Variants in AGMO observed in about 807,000 individuals in gnomAD.
AGMO encodes alkylglycerol monooxygenase, also known as glyceryl-ether monooxygenase.
In AGMO, 75 loss-of-function variants were observed where a neutral mutation model predicts 60.2. The observed-to-expected ratio is 1.25, with a 90% CI of 1.03 to 1.51. The LOEUF is 1.51. AGMO is among the 40% of genes most tolerant of loss of function. The probability of loss-of-function intolerance (pLI) is 0.00; values close to 1 mark genes in which losing one functional copy is unlikely to be tolerated. For missense variants in AGMO, 763 were observed against 525.5 expected, an observed-to-expected ratio of 1.45 and a Z score of -4.42; for synonymous variants, 261 against 177.1, an observed-to-expected ratio of 1.47 and a Z score of -3.76.
chr7:15,383,530 A>G (rs541909700), intron 10 of AGMO, among the ~76,000 whole-genome samples: 1 of 152,356 alleles, frequency 6.6e-6, no homozygotes, highest in South Asian at 2.1e-4. Context: ...CATACAGAAT[A>G]TATAGAACTG....
chr7:15,188,973 G>A, the AGMO span, among the ~76,000 whole-genome samples: 4 of 152,248 alleles, frequency 2.6e-5, no homozygotes, highest in East Asian at 7.7e-4. Flanking sequence ...ACAACTTTTT[G>A]AATGAAATTT....
chr7:15,367,118 CA>C (rs1319728385), intron 10 of AGMO, among the ~76,000 whole-genome samples: 5 of 151,982 alleles, frequency 3.3e-5, no homozygotes, highest in East Asian at 1.9e-4. Flanking sequence ...GACTCTCAGT[CA>C]AAGGACTTTC....
intron 3 of AGMO, among the ~76,000 whole-genome samples, chr7:15,463,867 A>C (rs1423751933): frequency 6.6e-6 from 1 of 152,210 alleles, no homozygotes; most frequent in Non-Finnish European, 1.5e-5. Context: ...GGAAAACAGA[A>C]TAAAAGTTTC....
chr7:15,496,445 G>T (rs1203070726), intron 3 of AGMO, among the ~76,000 whole-genome samples: 2 of 152,032 alleles, frequency 1.3e-5, no homozygotes, highest in Non-Finnish European at 2.9e-5. Context: ...AAAAGGCTTA[G>T]ATTCCCTAAA....
intron 12 of AGMO, among the ~76,000 whole-genome samples, chr7:15,293,294 A>G (rs986795977): frequency 6.6e-6 from 1 of 152,132 alleles, no homozygotes; most frequent in Non-Finnish European, 1.5e-5. Context: ...GAAGCTGGAT[A>G]ATTCTTACAA....
At chr7:15,252,807 AAAAG>A (rs1782977626) in intron 12 of AGMO, among the ~76,000 whole-genome samples, 1 of 152,206 alleles carries the variant, frequency 6.6e-6, no homozygotes, top group South Asian at 2.1e-4. Context: ...CCATTTTAAG[AAAAG>A]AAAGAATCAG....
chr7:15,521,225 G>A (rs1438698164), intron 3 of AGMO, among the ~76,000 whole-genome samples: 1 of 151,964 alleles, frequency 6.6e-6, no homozygotes, highest in Non-Finnish European at 1.5e-5. Context: ...ACCGCAAAAA[G>A]GCACAGGACC....
rs1480565196 is a variant in AGMO at position 15,553,717 on chromosome 7, T to TAAATAAATAAATA, written c.257+6411_257+6423dup. Among the ~76,000 whole-genome samples the TAAATAAATAAATA allele has an allele frequency of 6.2e-3, 937 of 152,116 alleles. 12 individuals are homozygous for TAAATAAATAAATA. Among genetic ancestry groups the TAAATAAATAAATA allele is most frequent in the African/African-American group, 0.022 (911 of 41,482 alleles). On this transcript the variant is annotated intron_variant, in intron 2 of 12. Transcript: ENST00000342526. ...AAACTTCCATTTGTAAAAAAATACATAAATAAATAAATAAATAATTTCAAA... is the reference window on the plus strand; with the variant it reads ...AAACTTCCATTTGTAAAAAAATACATAAATAAATAAATAAAATAAATAAATAAATAATTTCAAA...
At chr7:15,468,011 T>A (rs577647321) in intron 3 of AGMO, among the ~76,000 whole-genome samples, 2 of 152,240 alleles carry the variant, frequency 1.3e-5, no homozygotes, top group Admixed American at 6.5e-5. Flanking sequence ...TTGTAACTCT[T>A]CCTTTACCAA....
At chr7:15,545,427 T>A (rs1784752011) in intron 2 of AGMO, among the ~76,000 whole-genome samples, 1 of 152,024 alleles carries the variant, frequency 6.6e-6, no homozygotes, top group South Asian at 2.1e-4. Flanking sequence ...TAAAGTTGCT[T>A]CTGTCTAAAT....
chr7:15,465,082 G>A (rs1009543972), intron 3 of AGMO, among the ~76,000 whole-genome samples: 2 of 152,066 alleles, frequency 1.3e-5, no homozygotes, highest in Non-Finnish European at 2.9e-5. Flanking sequence ...TATTGTAGTA[G>A]TAAGAGGACC....
chr7:15,365,463 A>T, intron 12 of AGMO, 51 bp downstream of exon 12: 1 of 1,174,894 alleles, frequency 8.5e-7, no homozygotes, highest in South Asian at 1.4e-5. Flanking sequence ...GAATAAATTA[A>T]ATGTGCGATA....
intron 12 of AGMO, among the ~76,000 whole-genome samples, chr7:15,329,886 C>T (rs943290773): frequency 6.6e-6 from 1 of 152,062 alleles, no homozygotes; most frequent in Non-Finnish European, 1.5e-5. Flanking sequence ...GAGGGTTGAG[C>T]TGCGGGTCTC....
At chr7:15,176,009 A>G in the AGMO span, among the ~76,000 whole-genome samples, 1 of 152,006 alleles carries the variant, frequency 6.6e-6, no homozygotes, top group African/African-American at 2.4e-5. Flanking sequence ...ATATCTTCGT[A>G]TACAAAGAGT....
At chr7:15,210,720 C>T (rs145418868) in intron 12 of AGMO, among the ~76,000 whole-genome samples, 25 of 152,064 alleles carry the variant, frequency 1.6e-4, no homozygotes, top group Admixed American at 1.6e-3. Context: ...CCCAATAATT[C>T]AAAATAAATC....
chr7:15,118,937 G>T, the AGMO span, among the ~76,000 whole-genome samples: 17 of 121,980 alleles, frequency 1.4e-4, no homozygotes, highest in East Asian at 4.2e-3. Context: ...TCTCTCTGTT[G>T]CCAGGCTGGA....
chr7:15,223,400 A>G (rs900786534), intron 12 of AGMO, among the ~76,000 whole-genome samples: 29 of 152,084 alleles, frequency 1.9e-4, no homozygotes, highest in African/African-American at 6.5e-4. Flanking sequence ...TCCTTATAAA[A>G]ATACAATTTT....
the AGMO span, among the ~76,000 whole-genome samples, chr7:15,148,960 C>T: frequency 6.6e-6 from 1 of 152,136 alleles, no homozygotes; most frequent in Non-Finnish European, 1.5e-5. Context: ...CTTTTCTCCA[C>T]AATCTCAGCT....
At chr7:15,178,739 T>A in the AGMO span, among the ~76,000 whole-genome samples, 37 of 152,298 alleles carry the variant, frequency 2.4e-4, no homozygotes, top group African/African-American at 8.4e-4. Context: ...GGAGGCTTTC[T>A]TCTAGGGTAT....
Sources: allele counts gnomAD v4.1 joint callset (sites outside exome capture counted in the v4.1 genomes callset), GRCh38; gene constraint gnomAD v4.1.1; transcripts MANE v1.5; gene names NCBI Gene and HGNC (gene_info 2026-07-23, HGNC 2026-07-21).